The following SEC24D variants were observed in gnomAD, a reference collection of about 807,000 sequenced individuals.
SEC24D encodes the protein protein transport protein Sec24D.
A neutral mutation model predicts 116.9 loss-of-function variants in SEC24D; 69 were observed. That is an observed-to-expected ratio of 0.59 (90% CI 0.49 to 0.72). The LOEUF (loss-of-function observed/expected upper bound fraction) is 0.72. Ranked by LOEUF, SEC24D falls within the 30% of genes least tolerant of loss-of-function variation. The pLI is 0.00. For missense variants in SEC24D, 1,131 were observed against 1,264.1 expected (o/e 0.89, Z 1.60); for synonymous variants, 405 against 442.8 (o/e 0.91, Z 1.07).
At position 118,794,706 on chromosome 4, in the gene SEC24D, A is replaced by G. The variant is rs111946051; in HGVS notation, c.1041+2977T>C. Among the ~76,000 whole-genome samples the G allele has an allele frequency of 8.9e-4, 136 of 152,320 alleles. 1 individual carries two copies. Among genetic ancestry groups the G allele is most frequent in the African/African-American group, 3.1e-3 (129 of 41,566 alleles). The stretch of plus-strand genomic sequence containing the variant: ...GAAAAGCTGTGGGGATGGTTCTTGT[A>G]GGCACACTGATGGCAATACATTTCC... On this transcript the variant is annotated intron_variant, in intron 8 of 22. Coordinates refer to ENST00000280551, the MANE Select transcript of SEC24D (RefSeq NM_014822.4).
chr4:118,744,282 A>G (rs1726385965), intron 14 of SEC24D, 124 bp from the exon 15 acceptor site: 1 of 1,002,190 alleles, frequency 1.0e-6, no homozygotes, highest in African/African-American at 1.6e-5. Context: ...TTTCCCGTTA[A>G]GTGAACTGGG....
intron 14 of SEC24D, 57 bp downstream of exon 14, chr4:118,744,887 G>T: frequency 2.2e-6 from 2 of 925,850 alleles, no homozygotes; most frequent in Non-Finnish European, 3.5e-6. Context: ...AGAACACACT[G>T]CCTCTTTAAC....
Position 118,764,794 on chromosome 4 carries a change from A to G in SEC24D, c.1296+8T>C. On this transcript the variant is annotated splice_region_variant and intron_variant, in intron 10 of 22. Coordinates refer to ENST00000280551, the MANE Select transcript of SEC24D (RefSeq NM_014822.4). ...TGTATAAACACTTGAAGTTCTGGGA[A>G]CACTTACTCTGCAATAATCCAAAGT... The G allele has an allele frequency of 6.9e-7, 1 of 1,446,416 alleles. No individual in the cohort carries two copies. Among genetic ancestry groups the G allele is most frequent in the East Asian group, 2.3e-5 (1 of 43,970 alleles). The allele number at this position is 1,446,416 out of a possible 1,614,324, so 89.6% of individuals were successfully genotyped here.
At chr4:118,803,225 T>C (rs1468894553) in intron 7 of SEC24D, among the ~76,000 whole-genome samples, 2 of 152,208 alleles carry the variant, frequency 1.3e-5, no homozygotes, top group Admixed American at 6.5e-5. Context: ...GCCACTGAAT[T>C]GTATACTTAA....
intron 22 of SEC24D, among the ~76,000 whole-genome samples, chr4:118,726,162 T>C (rs1725399762): frequency 6.6e-6 from 1 of 152,174 alleles, no homozygotes; most frequent in Admixed American, 6.5e-5. Flanking sequence ...ATTGGCTGAC[T>C]CACAGGGAAT....
chr4:118,769,901 T>C (rs573704629), intron 8 of SEC24D: 2 of 152,192 alleles, frequency 1.3e-5, no homozygotes, highest in East Asian at 1.9e-4. Flanking sequence ...GTGTACAGCA[T>C]TGTGCCTGGC....
At chr4:118,732,623 T>TTTAACTTTCCTC (rs1725748871) in intron 20 of SEC24D, 110 bp downstream of exon 20, 1 of 1,106,680 alleles carries the variant, frequency 9.0e-7, no homozygotes, top group South Asian at 1.6e-5. Flanking sequence ...CATTTGTGAC[T>TTTAACTTTCCTC]TTAACTTTCC....
At chr4:118,741,505 C>T (rs982164223) in intron 15 of SEC24D, among the ~76,000 whole-genome samples, 2 of 152,190 alleles carry the variant, frequency 1.3e-5, no homozygotes, top group Non-Finnish European at 1.5e-5. Context: ...TCTACGATCA[C>T]CGTATTTCTG....
rs114586463 is a variant in SEC24D, at chr4:118,810,816, A to G, written c.801+4212T>C. On this transcript the variant is annotated intron_variant, in intron 6 of 22. Coordinates refer to ENST00000280551, the MANE Select transcript of SEC24D (RefSeq NM_014822.4). ...AAAGACTAAGACTAAGTCTTTGGAA[A>G]GGTCCAAAGACTAAGCCTTAGGACA... Among the ~76,000 whole-genome samples the G allele has an allele frequency of 2.9e-3, 449 of 152,316 alleles. 3 individuals are homozygous for G. Among genetic ancestry groups the G allele is most frequent in the African/African-American group, 0.01 (427 of 41,576 alleles).
chr4:118,747,673 C>A (rs1726609802), intron 13 of SEC24D, among the ~76,000 whole-genome samples: 1 of 151,974 alleles, frequency 6.6e-6, no homozygotes, highest in South Asian at 2.1e-4. Context: ...CTTGCCTGGC[C>A]CACCCAATTC....
intron 8 of SEC24D, among the ~76,000 whole-genome samples, chr4:118,776,832 C>T (rs1338217115): frequency 1.3e-5 from 2 of 152,126 alleles, no homozygotes; most frequent in Non-Finnish European, 2.9e-5. Context: ...CAATGTTCTA[C>T]AAATGATTAA....
At chr4:118,810,220 G>A (rs116053430) in intron 6 of SEC24D, among the ~76,000 whole-genome samples, 6,591 of 151,410 alleles carry the variant, frequency 0.044, 199 homozygotes, top group Non-Finnish European at 0.063. Flanking sequence ...TAGAGTATTG[G>A]TTTCCGTAGC....
intron 8 of SEC24D, among the ~76,000 whole-genome samples, chr4:118,782,053 T>C (rs768517840): frequency 1.3e-5 from 2 of 152,194 alleles, no homozygotes; most frequent in African/African-American, 4.8e-5. Flanking sequence ...TTGGAGAAGT[T>C]TGTTATTACT....
At chr4:118,734,290 T>G (rs1265556823) in intron 19 of SEC24D, among the ~76,000 whole-genome samples, 2 of 151,886 alleles carry the variant, frequency 1.3e-5, no homozygotes, top group Admixed American at 1.3e-4. Context: ...CTCGGGTCAC[T>G]GCAACCTTGC....
At chr4:118,785,199 T>A (rs1728617202) in intron 8 of SEC24D, among the ~76,000 whole-genome samples, 1 of 152,166 alleles carries the variant, frequency 6.6e-6, no homozygotes, top group Admixed American at 6.5e-5. Flanking sequence ...TCAATAAATG[T>A]TTGAGCACAG....
chr4:118,725,719 C>A (rs1725375023), intron 22 of SEC24D, among the ~76,000 whole-genome samples: 1 of 151,930 alleles, frequency 6.6e-6, no homozygotes, highest in Non-Finnish European at 1.5e-5. Context: ...TGAATGTCAG[C>A]CTTGGGAGAA....
chr4:118,745,037 C>G lies in SEC24D; in HGVS notation c.1731G>C (p.Leu577=). The G allele has an allele frequency of 6.3e-7, 1 of 1,598,332 alleles. No individual in the cohort carries two copies. Among genetic ancestry groups the G allele is most frequent in the African/African-American group, 1.4e-5 (1 of 73,752 alleles). ...ALKAADCPGK[L]FIFHSSLPTA... is the part of the protein sequence containing the mutation. Reference sequence around the variant, plus strand: ...TTGGCAAGGAAGAATGGAAGATGAACAGCTTCCCAGGACAGTCTGCTGCCT... The same window carrying G: ...TTGGCAAGGAAGAATGGAAGATGAAGAGCTTCCCAGGACAGTCTGCTGCCT... The change falls in exon 14 of 23, where the codon CTG becomes CTC. Residue 577 remains leucine, a synonymous_variant. Coordinates refer to ENST00000280551, the MANE Select transcript of SEC24D (RefSeq NM_014822.4).
intron 3 of SEC24D, among the ~76,000 whole-genome samples, chr4:118,823,467 C>T (rs115994240): frequency 0.044 from 6,654 of 151,640 alleles, 203 homozygotes; most frequent in Non-Finnish European, 0.064. Flanking sequence ...TCTACAGTCA[C>T]ATCTAGGGGG....
intron 15 of SEC24D, 111 bp from the exon 16 acceptor site, chr4:118,741,148 C>T: frequency 1.8e-6 from 1 of 558,662 alleles, no homozygotes; most frequent in Non-Finnish European, 3.0e-6. Flanking sequence ...CCCGATTTAG[C>T]ATATTTTTTT....
Sources: allele counts gnomAD v4.1 joint callset (sites outside exome capture counted in the v4.1 genomes callset), GRCh38; gene constraint gnomAD v4.1.1; transcripts MANE v1.5; gene names NCBI Gene and HGNC (gene_info 2026-07-23, HGNC 2026-07-21).